Variants in ITGA9 observed in about 807,000 individuals in gnomAD.
The protein encoded by ITGA9 is integrin subunit alpha 9.
A neutral mutation model predicts 127.8 loss-of-function variants in ITGA9; 56 were observed. The observed-to-expected ratio is 0.44, with a 90% CI of 0.35 to 0.55. ITGA9 has a LOEUF of 0.55. Ranked by LOEUF, ITGA9 falls within the 20% of genes least tolerant of loss-of-function variation. The probability of loss-of-function intolerance (pLI) is 0.00; values close to 1 mark genes in which losing one functional copy is unlikely to be tolerated. For missense variants in ITGA9, 1,196 were observed against 1,347.1 expected, an observed-to-expected ratio of 0.89 and a Z score of 1.76; for synonymous variants, 508 against 514.5, an observed-to-expected ratio of 0.99 and a Z score of 0.17.
intron 23 of ITGA9, among the ~76,000 whole-genome samples, chr3:37,772,708 T>G (rs1696859164): frequency 6.6e-6 from 1 of 152,214 alleles, no homozygotes; most frequent in Non-Finnish European, 1.5e-5. Flanking sequence ...CCAGGCAACC[T>G]TCAATCTCCT....
chr3:37,777,364 C>T (rs761041204), intron 23 of ITGA9, 28 bp from the exon 24 acceptor site: 2 of 1,613,838 alleles, frequency 1.2e-6, no homozygotes, highest in East Asian at 2.2e-5. Flanking sequence ...GAGAATGACT[C>T]CTCTGACAGG....
intron 5 of ITGA9, among the ~76,000 whole-genome samples, chr3:37,495,868 G>A (rs2125566246): frequency 6.6e-6 from 1 of 152,276 alleles, no homozygotes; most frequent in South Asian, 2.1e-4. Context: ...ACTAGCCCCA[G>A]GGTCCTTCAA....
rs930954689 is a variant in ITGA9 at position 37,784,500 on chromosome 3, C to A, written c.2788-477C>A. On this transcript the variant is annotated intron_variant, in intron 25 of 27. Transcript: ENST00000264741. ...AATGGTTTTGATTCCAAAATGACTTCATTTAAGAGCAAAGAAAGAGTTAAA... is the reference window on the plus strand; with the variant it reads ...AATGGTTTTGATTCCAAAATGACTTAATTTAAGAGCAAAGAAAGAGTTAAA... Among the ~76,000 whole-genome samples, 4 of 152,096 alleles carry A rather than the reference C, an allele frequency of 2.6e-5. No homozygotes were observed. The South Asian group carries it at 8.3e-4, about 32-fold the overall frequency.
At chr3:37,790,063 A>G (rs1697089776) in intron 26 of ITGA9, 3 of 558,060 alleles carry the variant, frequency 5.4e-6, no homozygotes, top group Non-Finnish European at 1.0e-5. Context: ...TTCTGGATAA[A>G]GTTTATGATT....
chr3:37,468,513 G>A (rs1290417900), intron 1 of ITGA9, among the ~76,000 whole-genome samples: 1 of 152,130 alleles, frequency 6.6e-6, no homozygotes, highest in African/African-American at 2.4e-5. Flanking sequence ...TCCCCTTTGA[G>A]GGCCTCAGAC....
chr3:37,561,296 A>G (rs1013779075), intron 15 of ITGA9, among the ~76,000 whole-genome samples: 1 of 152,174 alleles, frequency 6.6e-6, no homozygotes, highest in African/African-American at 2.4e-5. Context: ...TGGTGTGAAT[A>G]TTAGCCCCAT....
intron 1 of ITGA9, among the ~76,000 whole-genome samples, chr3:37,470,597 T>TTGGTTGTA (rs1422872343): frequency 6.6e-6 from 1 of 152,238 alleles, no homozygotes; most frequent in African/African-American, 2.4e-5. Flanking sequence ...GAACCTTTTG[T>TTGGTTGTA]TGGTTGTACG....
intron 18 of ITGA9, among the ~76,000 whole-genome samples, chr3:37,723,738 G>A (rs182567210): frequency 6.6e-6 from 1 of 152,304 alleles, no homozygotes; most frequent in Admixed American, 6.5e-5. Context: ...CGACGGCAGC[G>A]CTGTGTTTGC....
At chr3:37,768,735 C>T (rs1272712463) in intron 23 of ITGA9, among the ~76,000 whole-genome samples, 1 of 151,650 alleles carries the variant, frequency 6.6e-6, no homozygotes, top group African/African-American at 2.4e-5. Flanking sequence ...AACCTAGGTC[C>T]CTTTTAACCC....
chr3:37,785,101 G>A (rs775311673), intron 26 of ITGA9, 23 bp downstream of exon 26: 21 of 1,535,136 alleles, frequency 1.4e-5, no homozygotes, highest in Non-Finnish European at 1.8e-5. Flanking sequence ...CCCCAGGACA[G>A]CCCTCCTCAG....
At chr3:37,552,208 A>G (rs1291499485) in intron 15 of ITGA9, among the ~76,000 whole-genome samples, 1 of 143,316 alleles carries the variant, frequency 7.0e-6, no homozygotes, top group African/African-American at 2.9e-5. Flanking sequence ...GGAGCCAGCT[A>G]AGGTTTTCTG....
intron 6 of ITGA9, 88 bp downstream of exon 6, chr3:37,503,395 G>A: frequency 6.7e-7 from 1 of 1,501,000 alleles, no homozygotes; most frequent in Non-Finnish European, 9.2e-7. Context: ...TTGTTGGAAA[G>A]AGGAGTTAGT....
chr3:37,458,679 G>A (rs1004826703), intron 1 of ITGA9, among the ~76,000 whole-genome samples: 1 of 152,244 alleles, frequency 6.6e-6, no homozygotes, highest in Non-Finnish European at 1.5e-5. Context: ...TTGGGAGGGT[G>A]TGAGATGTGC....
chr3:37,458,348 T>A (rs1175681431), intron 1 of ITGA9, among the ~76,000 whole-genome samples: 1 of 152,090 alleles, frequency 6.6e-6, no homozygotes, highest in Non-Finnish European at 1.5e-5. Context: ...TGTGAGAGAA[T>A]TGTTGGGGGC....
intron 12 of ITGA9, among the ~76,000 whole-genome samples, chr3:37,525,706 A>G (rs1183981279): frequency 6.6e-6 from 1 of 152,232 alleles, no homozygotes; most frequent in Admixed American, 6.5e-5. Context: ...TCAACATATA[A>G]TCAATATGAA....
chr3:37,767,747 G>T (rs1446050339), intron 23 of ITGA9, among the ~76,000 whole-genome samples: 1 of 152,104 alleles, frequency 6.6e-6, no homozygotes, highest in Non-Finnish European at 1.5e-5. Context: ...CTACACAGAG[G>T]GGTAAATATC....
intron 18 of ITGA9, among the ~76,000 whole-genome samples, chr3:37,686,120 G>A (rs1299824329): frequency 6.6e-6 from 1 of 152,184 alleles, no homozygotes; most frequent in East Asian, 1.9e-4. Flanking sequence ...CAGAGGGTGT[G>A]AAGTCACATT....
intron 16 of ITGA9, among the ~76,000 whole-genome samples, chr3:37,644,840 C>T (rs150685531): frequency 1.9e-3 from 290 of 152,216 alleles, no homozygotes; most frequent in Non-Finnish European, 3.4e-3. Flanking sequence ...ATTTCATGAA[C>T]GATTTGCCTT....
At chr3:37,519,077 A>ACTGGC (rs1699017392) in intron 10 of ITGA9, among the ~76,000 whole-genome samples, 183 bp from the exon 11 acceptor site, 2 of 139,138 alleles carry the variant, frequency 1.4e-5, no homozygotes, top group South Asian at 4.5e-4. Context: ...GAGCCACCAC[A>ACTGGC]CTGGCCTACT....
Sources: allele counts gnomAD v4.1 joint callset (sites outside exome capture counted in the v4.1 genomes callset), GRCh38; gene constraint gnomAD v4.1.1; transcripts MANE v1.5; gene names NCBI Gene and HGNC (gene_info 2026-07-23, HGNC 2026-07-21).